The following CCDC30 variants were observed in gnomAD, a reference collection of about 807,000 sequenced individuals.
CCDC30 encodes the protein coiled-coil domain containing 30.
A neutral mutation model predicts 100.2 loss-of-function variants in CCDC30; 70 were observed. That is an observed-to-expected ratio of 0.70 (90% CI 0.58 to 0.85). CCDC30 has a LOEUF of 0.85. Among genes scored for constraint, CCDC30 ranks in the 40% least tolerant of loss-of-function variants. The probability of loss-of-function intolerance (pLI) is 0.00; values close to 1 mark genes in which losing one functional copy is unlikely to be tolerated. For missense variants in CCDC30, 652 were observed against 771.2 expected (o/e 0.85, Z 1.83); for synonymous variants, 233 against 269.5 (o/e 0.86, Z 1.33).
At chr1:42,624,815 A>G (rs1646902295) in intron 11 of CCDC30, among the ~76,000 whole-genome samples, 1 of 152,158 alleles carries the variant, frequency 6.6e-6, no homozygotes, top group Non-Finnish European at 1.5e-5. Context: ...TTTTGTGTCA[A>G]TATTCATCAG....
intron 6 of CCDC30, among the ~76,000 whole-genome samples, chr1:42,503,960 G>T (rs1007580209): frequency 2.6e-5 from 4 of 152,132 alleles, no homozygotes; most frequent in African/African-American, 7.2e-5. Flanking sequence ...GAAAGCAGGG[G>T]TCTCACAGCC....
At chr1:42,581,401 C>A in exon 9 of CCDC30, 1 of 1,612,532 alleles carries the variant, frequency 6.2e-7, no homozygotes, top group South Asian at 1.1e-5. Flanking sequence ...CTCATAAAGT[C>A]TGTCTCACAG....
intron 15 of CCDC30, among the ~76,000 whole-genome samples, chr1:42,649,288 T>C (rs927841085): frequency 1.3e-5 from 2 of 152,190 alleles, no homozygotes; most frequent in African/African-American, 2.4e-5. Flanking sequence ...AATACAAGGA[T>C]GGCTCAACAT....
intron 3 of CCDC30, among the ~76,000 whole-genome samples, chr1:42,484,022 T>A (rs1644007872): frequency 6.6e-6 from 1 of 152,028 alleles, no homozygotes; most frequent in Non-Finnish European, 1.5e-5. Flanking sequence ...AATCCGTGAC[T>A]GATTCTTTTA....
chr1:42,501,920 G>T (rs1644319390), intron 6 of CCDC30, among the ~76,000 whole-genome samples: 1 of 152,198 alleles, frequency 6.6e-6, no homozygotes. Flanking sequence ...AATTGAGGAG[G>T]CAGTCTGTCT....
At position 42,596,999 on chromosome 1, in the gene CCDC30, A is replaced by C. The variant is rs1292694365; in HGVS notation, c.1164+7516A>C. On this transcript the variant is annotated intron_variant, in intron 10 of 16. Coordinates refer to ENST00000668663, the Ensembl canonical transcript of CCDC30. The surrounding 1 kb of genome is among the most constrained non-coding windows in gnomAD (Gnocchi z 4.3). ...TGATTTTTAAGTAAAGATCAAAAAC[A>C]CTGTAACAGAAATGAATACCTTGGT... Among the ~76,000 whole-genome samples the C allele has an allele frequency of 6.6e-6, 1 of 152,174 alleles. No individual in the cohort carries two copies. Among genetic ancestry groups the C allele is most frequent in the East Asian group, 1.9e-4 (1 of 5,190 alleles).
intron 7 of CCDC30, among the ~76,000 whole-genome samples, chr1:42,567,495 G>A (rs929517227): frequency 2.6e-5 from 4 of 152,142 alleles, no homozygotes; most frequent in African/African-American, 9.7e-5. Context: ...GGGAGATATA[G>A]AGGAAAACAA....
At chr1:42,637,865 A>G (rs1647189777) in intron 12 of CCDC30, among the ~76,000 whole-genome samples, 1 of 152,216 alleles carries the variant, frequency 6.6e-6, no homozygotes, top group African/African-American at 2.4e-5. Context: ...AATGGGACAG[A>G]TGAATAGAAT....
At chr1:42,638,097 A>T (rs1281721237) in intron 12 of CCDC30, among the ~76,000 whole-genome samples, 1 of 152,234 alleles carries the variant, frequency 6.6e-6, no homozygotes, top group Non-Finnish European at 1.5e-5. Context: ...CAGTGATTCC[A>T]TCAACTATCC....
intron 6 of CCDC30, chr1:42,500,387 T>A: frequency 7.8e-7 from 1 of 1,276,666 alleles, no homozygotes; most frequent in Non-Finnish European, 1.1e-6. Flanking sequence ...GAGCGAAGTC[T>A]GGTCTGCGCA....
In CCDC30 at chr1:42,509,345, T is replaced by C. The variant is rs111654118; in HGVS notation, c.456+10429T>C. On this transcript the variant is annotated intron_variant, in intron 6 of 16. Transcript: ENST00000668663. ...ATTAGAAACCATTGCTTGGGAGCCA[T>C]GCAGCTGGAGGCTACAAGATTTTGA... Among the ~76,000 whole-genome samples, 925 of 152,298 alleles carry C rather than the reference T, an allele frequency of 6.1e-3. 6 individuals are homozygous for C. The highest frequency in any genetic ancestry group is 0.021 in the African/African-American group (863 of 41,562).
At chr1:42,546,399 AATATAT>A (rs66804938) in intron 6 of CCDC30, among the ~76,000 whole-genome samples, 5 of 11,988 alleles carry the variant, frequency 4.2e-4, no homozygotes, top group African/African-American at 1.0e-3. Context: ...AAAAAAAAAA[AATATAT>A]ATATATATAT....
intron 6 of CCDC30, among the ~76,000 whole-genome samples, chr1:42,557,768 A>T (rs1362127104): frequency 6.7e-6 from 1 of 150,284 alleles, no homozygotes; most frequent in South Asian, 2.1e-4. Context: ...TAAAATTAGG[A>T]TAGTTAAGGC....
intron 3 of CCDC30, among the ~76,000 whole-genome samples, chr1:42,489,339 T>C (rs1352146479): frequency 6.6e-6 from 1 of 152,252 alleles, no homozygotes; most frequent in Admixed American, 6.5e-5. Context: ...TATCTGGCAC[T>C]GGTAGTTACT....
chr1:42,547,479 C>G (rs185355405), intron 6 of CCDC30, among the ~76,000 whole-genome samples: 1 of 152,284 alleles, frequency 6.6e-6, no homozygotes, highest in African/African-American at 2.4e-5. Flanking sequence ...AAAGTCCACC[C>G]AGGTGATTTT....
intron 1 of CCDC30, among the ~76,000 whole-genome samples, chr1:42,464,583 G>A (rs893973964): frequency 6.6e-6 from 1 of 152,176 alleles, no homozygotes; most frequent in Non-Finnish European, 1.5e-5. Context: ...AATATTTTTG[G>A]CAAGGGAGCA....
At chr1:42,588,476 G>C (rs1380415695) in intron 9 of CCDC30, among the ~76,000 whole-genome samples, 3 of 152,240 alleles carry the variant, frequency 2.0e-5, no homozygotes, top group Non-Finnish European at 4.4e-5. Flanking sequence ...TTCCAGGGGA[G>C]AGGGAGATGA....
intron 11 of CCDC30, among the ~76,000 whole-genome samples, chr1:42,623,909 A>G (rs1646885850): frequency 6.6e-6 from 1 of 152,098 alleles, no homozygotes; most frequent in South Asian, 2.1e-4. Flanking sequence ...AATTTCTTTC[A>G]TTAGTGTTCT....
intron 1 of CCDC30, among the ~76,000 whole-genome samples, chr1:42,472,172 T>G (rs1643791281): frequency 6.6e-6 from 1 of 152,038 alleles, no homozygotes; most frequent in Non-Finnish European, 1.5e-5. Context: ...GAGAATCACT[T>G]GAACCCAGGA....
Sources: allele counts gnomAD v4.1 joint callset (sites outside exome capture counted in the v4.1 genomes callset), GRCh38; gene constraint gnomAD v4.1.1; non-coding constraint Gnocchi (gnomAD v3.1); transcripts MANE v1.5; gene names NCBI Gene and HGNC (gene_info 2026-07-23, HGNC 2026-07-21).